The following RARB variants were observed in gnomAD, a reference collection of about 807,000 sequenced individuals.
The protein encoded by RARB is retinoic acid receptor beta.
RARB carries 17 observed loss-of-function variants against 51.9 expected under a neutral mutation model. The observed-to-expected ratio is 0.33, with a 90% CI of 0.22 to 0.49. RARB has a LOEUF of 0.49. Among genes scored for constraint, RARB ranks in the 20% least tolerant of loss-of-function variants. The pLI is 0.99. For synonymous variants in RARB, 215 were observed against 195.4 expected (o/e 1.10, Z -0.84); for missense variants, 369 against 550.8 (o/e 0.67, Z 3.30).
At chr3:25,595,453 A>G (rs190506384) in intron 7 of RARB, among the ~76,000 whole-genome samples, 21 of 152,344 alleles carry the variant, frequency 1.4e-4, no homozygotes, top group African/African-American at 5.0e-4. Context: ...GGTCTCCTAG[A>G]TGAGCATTCT....
intron 2 of RARB, among the ~76,000 whole-genome samples, chr3:24,945,346 T>G (rs1023587916): frequency 6.6e-6 from 1 of 152,216 alleles, no homozygotes; most frequent in South Asian, 2.1e-4. Flanking sequence ...GGCCATCACA[T>G]GATCCTCAGG....
chr3:25,013,402 A>T (rs1483447301), intron 2 of RARB, among the ~76,000 whole-genome samples: 5 of 152,016 alleles, frequency 3.3e-5, no homozygotes, highest in African/African-American at 1.2e-4. Context: ...GTTTCACTGA[A>T]TTCAAACTGT....
In RARB at chr3:25,558,471, C is replaced by CGT. The variant is rs527702386; in HGVS notation, c.449-11286_449-11285dup. On this transcript the variant is annotated intron_variant, in intron 3 of 7. Coordinates refer to ENST00000330688, the MANE Select transcript of RARB (RefSeq NM_000965.5). ...CCCACAGTTCATCTGCTTTCATCCC[C>CGT]GTATCCTTTTCCCTTTCCCATCAAC... Among the ~76,000 whole-genome samples the CGT allele has an allele frequency of 3.9e-3, 600 of 151,906 alleles. 2 individuals are homozygous for CGT. The highest frequency in any genetic ancestry group is 5.2e-3 in the Non-Finnish European group (352 of 67,984).
intron 5 of RARB, among the ~76,000 whole-genome samples, chr3:25,409,306 G>A (rs999132880): frequency 1.3e-5 from 2 of 152,134 alleles, no homozygotes; most frequent in African/African-American, 4.8e-5. Context: ...TTTTGTCATT[G>A]AGCATCTGTT....
At chr3:25,090,997 T>C (rs1699188508) in intron 3 of RARB, among the ~76,000 whole-genome samples, 1 of 152,180 alleles carries the variant, frequency 6.6e-6, no homozygotes, top group Non-Finnish European at 1.5e-5. Context: ...TTAAAGGACA[T>C]AATGAACAGT....
chr3:25,223,829 C>T (rs1011910020), intron 5 of RARB, among the ~76,000 whole-genome samples: 4 of 152,160 alleles, frequency 2.6e-5, no homozygotes, highest in Admixed American at 1.3e-4. Flanking sequence ...CACTATCACC[C>T]GAGTATTTTA....
intron 2 of RARB, among the ~76,000 whole-genome samples, chr3:25,485,239 T>C (rs1696405718): frequency 6.6e-6 from 1 of 152,236 alleles, no homozygotes; most frequent in African/African-American, 2.4e-5. Flanking sequence ...AAAAATGTCA[T>C]TCTTTACTAA....
At chr3:24,847,217 G>A (rs1434039315) in intron 1 of RARB, among the ~76,000 whole-genome samples, 1 of 152,176 alleles carries the variant, frequency 6.6e-6, no homozygotes, top group Non-Finnish European at 1.5e-5. Flanking sequence ...CATAGCTAAA[G>A]TCTGAGAACC....
intron 3 of RARB, among the ~76,000 whole-genome samples, chr3:25,552,014 C>A (rs1489539991): frequency 6.6e-6 from 1 of 152,114 alleles, no homozygotes; most frequent in Non-Finnish European, 1.5e-5. Context: ...AAGAGGCATC[C>A]TAAAAAGTTC....
intron 1 of RARB, among the ~76,000 whole-genome samples, chr3:24,845,033 C>T (rs1702469411): frequency 6.6e-6 from 1 of 152,190 alleles, no homozygotes. Context: ...CTGTCATTTA[C>T]CCATGATGGC....
intron 5 of RARB, among the ~76,000 whole-genome samples, chr3:25,238,669 G>A (rs559858708): frequency 1.3e-5 from 2 of 152,024 alleles, no homozygotes; most frequent in South Asian, 2.1e-4. Flanking sequence ...TGTCAGCATC[G>A]GTTATTTTTT....
At chr3:25,266,213 C>G (rs1703123228) in intron 5 of RARB, among the ~76,000 whole-genome samples, 2 of 152,076 alleles carry the variant, frequency 1.3e-5, no homozygotes, top group African/African-American at 4.8e-5. Flanking sequence ...AATATTCTGC[C>G]TAACACAATA....
chr3:24,868,241 A>G (rs1702886058), intron 2 of RARB, among the ~76,000 whole-genome samples: 1 of 152,128 alleles, frequency 6.6e-6, no homozygotes, highest in South Asian at 2.1e-4. Context: ...GATATAGAAA[A>G]TCTAGGTTTT....
In RARB at chr3:25,122,029, A is replaced by G. The variant is rs559991553; in HGVS notation, c.-327-10132A>G. Reference sequence around the variant, plus strand: ...GTGACATTCTCTTATACTTCTTTGAAAGTCATTCAAAAGTTGAGTCAATGT... The same window carrying G: ...GTGACATTCTCTTATACTTCTTTGAGAGTCATTCAAAAGTTGAGTCAATGT... On this transcript the variant is annotated intron_variant, in intron 3 of 11. Coordinates refer to the RARB transcript ENST00000383772. 2.8e-4 allele frequency among the ~76,000 whole-genome samples: 42 copies of G among 152,302 alleles called. 1 individual carries two copies. The Middle Eastern group carries it at 0.01, about 37-fold the overall frequency.
intron 2 of RARB, among the ~76,000 whole-genome samples, chr3:25,029,462 T>C (rs1423891564): frequency 2.0e-5 from 3 of 152,244 alleles, no homozygotes; most frequent in African/African-American, 7.2e-5. Flanking sequence ...GCTTCAAAAC[T>C]GGTGACCTGG....
intron 5 of RARB, among the ~76,000 whole-genome samples, chr3:25,201,249 A>G (rs927793017): frequency 1.3e-5 from 2 of 152,110 alleles, no homozygotes; most frequent in Admixed American, 6.6e-5. Context: ...ATTGCTGTAT[A>G]AGAATGCTTG....
chr3:25,470,951 C>T (rs1025046106), intron 2 of RARB, among the ~76,000 whole-genome samples: 25 of 151,986 alleles, frequency 1.6e-4, no homozygotes, highest in African/African-American at 4.6e-4. Flanking sequence ...CATAGTAGGA[C>T]GTTAATGTAT....
chr3:24,904,174 C>A (rs115146931), intron 2 of RARB, among the ~76,000 whole-genome samples: 1 of 152,120 alleles, frequency 6.6e-6, no homozygotes, highest in Non-Finnish European at 1.5e-5. Context: ...CTTTAACTTC[C>A]AACTGTCTTA....
rs74525233 is a variant in RARB at position 25,369,135 on chromosome 3, A to C, written c.179-92058A>C. 3.7e-3 allele frequency among the ~76,000 whole-genome samples: 557 copies of C among 152,306 alleles called. 4 individuals carry two copies. The highest frequency in any genetic ancestry group is 0.013 in the African/African-American group (532 of 41,582). ...CTTTCACCTATCCTGATTTTAATAA[A>C]CATCTATGTGGTAATCACAGAGAAC... On this transcript the variant is annotated intron_variant, in intron 5 of 11. Coordinates refer to the RARB transcript ENST00000383772.
Sources: allele counts gnomAD v4.1 joint callset (sites outside exome capture counted in the v4.1 genomes callset), GRCh38; gene constraint gnomAD v4.1.1; transcripts MANE v1.5; gene names NCBI Gene and HGNC (gene_info 2026-07-23, HGNC 2026-07-21).